The following ADAM12 variants were observed in gnomAD, a reference collection of about 807,000 sequenced individuals.
ADAM12 encodes the protein disintegrin and metalloproteinase domain-containing protein 12.
Under a neutral mutation model 106.4 loss-of-function variants are expected in ADAM12, and 70 were observed. The ratio of observed to expected loss-of-function variants is 0.66; its 90% CI spans 0.54 to 0.80. The LOEUF (loss-of-function observed/expected upper bound fraction) is 0.80, where lower values mean the gene tolerates loss of function less well. ADAM12 is among the 30% of genes least tolerant of loss of function. The pLI is 0.00. For missense variants in ADAM12, 1,010 were observed against 1,171.9 expected, an observed-to-expected ratio of 0.86 and a Z score of 2.02; for synonymous variants, 420 against 433.5, an observed-to-expected ratio of 0.97 and a Z score of 0.39.
At chr10:126,366,209 T>C (rs1319584319) in intron 1 of ADAM12, among the ~76,000 whole-genome samples, 1 of 152,136 alleles carries the variant, frequency 6.6e-6, no homozygotes, top group East Asian at 1.9e-4. Flanking sequence ...TGGGTAGTCA[T>C]CTGAAAAGAG....
At chr10:126,242,863 G>C (rs924413185) in intron 3 of ADAM12, among the ~76,000 whole-genome samples, 5 of 152,050 alleles carry the variant, frequency 3.3e-5, no homozygotes, top group Non-Finnish European at 4.4e-5. Flanking sequence ...GTCTGGTTTT[G>C]ACATCACAAA....
chr10:126,154,179 C>T (rs948403098), intron 4 of ADAM12, among the ~76,000 whole-genome samples: 1 of 152,210 alleles, frequency 6.6e-6, no homozygotes, highest in Non-Finnish European at 1.5e-5. Context: ...TTTGAATAGT[C>T]CTTTGGGGAG....
intron 5 of ADAM12, among the ~76,000 whole-genome samples, chr10:126,131,867 T>C (rs926579134): frequency 5.3e-5 from 8 of 152,024 alleles, no homozygotes; most frequent in African/African-American, 1.9e-4. Context: ...AGATAGAAAA[T>C]AGACCGTGAT....
At chr10:126,034,668 C>T (rs1440579154) in intron 21 of ADAM12, among the ~76,000 whole-genome samples, 2 of 152,114 alleles carry the variant, frequency 1.3e-5, no homozygotes, top group Non-Finnish European at 2.9e-5. Flanking sequence ...ACAAGAAACG[C>T]TTTTCAAATG....
At chr10:126,031,706 T>C (rs1347392289) in intron 21 of ADAM12, among the ~76,000 whole-genome samples, 1 of 152,040 alleles carries the variant, frequency 6.6e-6, no homozygotes, top group Non-Finnish European at 1.5e-5. Flanking sequence ...TGGTGAGTCT[T>C]GTGTTATAAA....
At chr10:126,179,783 T>C (rs1382951228) in intron 3 of ADAM12, among the ~76,000 whole-genome samples, 1 of 152,114 alleles carries the variant, frequency 6.6e-6, no homozygotes, top group Non-Finnish European at 1.5e-5. Flanking sequence ...TAAATAGTTA[T>C]TGATGCTGGG....
intron 3 of ADAM12, among the ~76,000 whole-genome samples, chr10:126,248,054 C>G (rs1200382523): frequency 6.6e-6 from 1 of 152,202 alleles, no homozygotes; most frequent in Non-Finnish European, 1.5e-5. Context: ...GTCTCTGGCC[C>G]TGCACCTGCT....
intron 1 of ADAM12, among the ~76,000 whole-genome samples, chr10:126,374,177 A>G (rs1024438799): frequency 5.9e-5 from 9 of 152,212 alleles, no homozygotes; most frequent in Non-Finnish European, 1.2e-4. Flanking sequence ...AATTCCCACA[A>G]TAACTGGGCT....
intron 3 of ADAM12, among the ~76,000 whole-genome samples, chr10:126,180,014 C>A (rs1379196611): frequency 1.3e-5 from 2 of 152,118 alleles, no homozygotes; most frequent in Admixed American, 6.5e-5. Context: ...TCAAAGAAAA[C>A]TATTATTTAG....
chr10:126,045,777 G>A (rs1213193845), intron 17 of ADAM12, among the ~76,000 whole-genome samples: 1 of 152,178 alleles, frequency 6.6e-6, no homozygotes, highest in African/African-American at 2.4e-5. Flanking sequence ...TCTTCATGAA[G>A]GAAGGTTGCT....
intron 11 of ADAM12, chr10:126,090,880 T>C (rs1427414986): frequency 6.6e-6 from 1 of 152,234 alleles, no homozygotes; most frequent in Non-Finnish European, 1.5e-5. Context: ...CTTTAAGCCA[T>C]CTACAATACT....
intron 3 of ADAM12, among the ~76,000 whole-genome samples, chr10:126,235,925 T>C (rs1958405992): frequency 6.6e-6 from 1 of 151,768 alleles, no homozygotes; most frequent in African/African-American, 2.4e-5. Context: ...GGCTGTACCA[T>C]GGGCTGCGCA....
intron 14 of ADAM12, among the ~76,000 whole-genome samples, chr10:126,062,337 G>T (rs1954774429): frequency 6.6e-6 from 1 of 152,194 alleles, no homozygotes; most frequent in Non-Finnish European, 1.5e-5. Context: ...CAGGGAGAGA[G>T]TGGGTGGGAG....
chr10:126,168,472 C>T (rs927050541), intron 3 of ADAM12, among the ~76,000 whole-genome samples: 2 of 152,120 alleles, frequency 1.3e-5, no homozygotes, highest in Non-Finnish European at 2.9e-5. Flanking sequence ...AGATGATAAA[C>T]ATGCCGAACC....
intron 2 of ADAM12, among the ~76,000 whole-genome samples, chr10:126,309,066 C>T (rs946501550): frequency 2.0e-5 from 3 of 152,186 alleles, no homozygotes; most frequent in African/African-American, 7.2e-5. Flanking sequence ...CCTGTGATTT[C>T]AGTGGACTAT....
chr10:126,197,730 A>G (rs1238079830), intron 3 of ADAM12, among the ~76,000 whole-genome samples: 1 of 152,232 alleles, frequency 6.6e-6, no homozygotes, highest in African/African-American at 2.4e-5. Flanking sequence ...CTGGTGCCCA[A>G]CAAATAGTCA....
intron 3 of ADAM12, among the ~76,000 whole-genome samples, chr10:126,206,895 G>T (rs985077609): frequency 6.8e-6 from 1 of 147,836 alleles, no homozygotes; most frequent in Non-Finnish European, 1.5e-5. Context: ...TGAATCATGG[G>T]GGCAGATCTT....
At chr10:126,385,015 A>G (rs1856613376) in intron 1 of ADAM12, among the ~76,000 whole-genome samples, 2 of 152,240 alleles carry the variant, frequency 1.3e-5, no homozygotes, top group Admixed American at 1.3e-4. Context: ...TCTCAGGTTC[A>G]GTTAATTTGC....
At chr10:126,226,869 G>A (rs376898842) in intron 3 of ADAM12, among the ~76,000 whole-genome samples, 1 of 152,098 alleles carries the variant, frequency 6.6e-6, no homozygotes, top group African/African-American at 2.4e-5. Flanking sequence ...AGGCTGTTTT[G>A]CAAACTGCAC....
Sources: allele counts gnomAD v4.1 joint callset (sites outside exome capture counted in the v4.1 genomes callset), GRCh38; gene constraint gnomAD v4.1.1; transcripts MANE v1.5; gene names NCBI Gene and HGNC (gene_info 2026-07-23, HGNC 2026-07-21).